The following GRID2 variants were observed in gnomAD, a reference collection of about 807,000 sequenced individuals.
The protein encoded by GRID2 is glutamate ionotropic receptor delta type subunit 2, also known as glutamate receptor ionotropic, delta-2.
Under a neutral mutation model 114.8 loss-of-function variants are expected in GRID2, and 33 were observed. The ratio of observed to expected loss-of-function variants is 0.29; its 90% CI spans 0.22 to 0.38. The LOEUF is 0.38. Ranked by LOEUF, GRID2 falls within the 10% of genes least tolerant of loss-of-function variation. The pLI, the probability that GRID2 is intolerant of heterozygous loss-of-function variation, is 1.00. For missense variants in GRID2, 1,184 were observed against 1,257.7 expected (o/e 0.94, Z 0.89); for synonymous variants, 505 against 449.9 (o/e 1.12, Z -1.55).
intron 1 of GRID2, among the ~76,000 whole-genome samples, chr4:92,584,998 T>C (rs1728360611): frequency 6.6e-6 from 1 of 152,094 alleles, no homozygotes; most frequent in African/African-American, 2.4e-5. Context: ...CTTCTTTTCA[T>C]GATCTTCTTA....
intron 14 of GRID2, among the ~76,000 whole-genome samples, chr4:93,735,137 T>C (rs1040326317): frequency 1.3e-5 from 2 of 151,960 alleles, no homozygotes; most frequent in Non-Finnish European, 2.9e-5. Flanking sequence ...CTCAGTGAGA[T>C]GCTGAATGAG....
chr4:92,958,671 A>T (rs1043438574), intron 2 of GRID2, among the ~76,000 whole-genome samples: 2 of 152,048 alleles, frequency 1.3e-5, no homozygotes, highest in African/African-American at 4.8e-5. Flanking sequence ...TATTCAGGTA[A>T]TGCTGACTTC....
At chr4:93,162,092 G>A (rs920203620) in intron 4 of GRID2, among the ~76,000 whole-genome samples, 4 of 151,660 alleles carry the variant, frequency 2.6e-5, no homozygotes, top group African/African-American at 4.8e-5. Context: ...TGATGATCAT[G>A]TTAGGACTGT....
intron 2 of GRID2, among the ~76,000 whole-genome samples, chr4:92,629,602 T>C (rs902591231): frequency 2.0e-5 from 3 of 152,022 alleles, no homozygotes; most frequent in African/African-American, 7.2e-5. Context: ...AGAAAACGTG[T>C]TAAGGGTTTG....
At chr4:92,764,687 T>G (rs1201417489) in intron 2 of GRID2, among the ~76,000 whole-genome samples, 2 of 152,224 alleles carry the variant, frequency 1.3e-5, no homozygotes, top group African/African-American at 2.4e-5. Flanking sequence ...TTTATCTCTC[T>G]TCTAAGGCTT....
chr4:93,376,601 A>G (rs915760712), intron 8 of GRID2, among the ~76,000 whole-genome samples: 2 of 152,222 alleles, frequency 1.3e-5, no homozygotes, highest in Non-Finnish European at 2.9e-5. Context: ...CTGACTGGTT[A>G]TTTGATGACA....
intron 1 of GRID2, among the ~76,000 whole-genome samples, chr4:92,571,087 CA>C (rs1422909259): frequency 6.6e-6 from 1 of 151,970 alleles, no homozygotes; most frequent in Non-Finnish European, 1.5e-5. Flanking sequence ...GTGGGTATAG[CA>C]TATATGGCTG....
chr4:93,323,328 G>C (rs190611528), intron 8 of GRID2, among the ~76,000 whole-genome samples: 42 of 151,992 alleles, frequency 2.8e-4, no homozygotes, highest in African/African-American at 9.4e-4. Context: ...TTTTATTTTT[G>C]TCAGGTTTGT....
At chr4:93,757,374 C>A (rs1300382903) in intron 14 of GRID2, among the ~76,000 whole-genome samples, 5 of 152,184 alleles carry the variant, frequency 3.3e-5, no homozygotes, top group Non-Finnish European at 7.3e-5. Flanking sequence ...TACTTTCTTC[C>A]TGCTGGACTT....
chr4:93,585,415 C>T (rs1366649629), intron 13 of GRID2, among the ~76,000 whole-genome samples: 1 of 152,092 alleles, frequency 6.6e-6, no homozygotes, highest in Non-Finnish European at 1.5e-5. Context: ...ATGGTGTTGA[C>T]TGTTGTTTCA....
chr4:92,810,441 T>A (rs1331971686), intron 2 of GRID2, among the ~76,000 whole-genome samples: 1 of 152,078 alleles, frequency 6.6e-6, no homozygotes, highest in Non-Finnish European at 1.5e-5. Flanking sequence ...GTTCGTCTAT[T>A]TAACTAAAAA....
At chr4:93,389,121 G>C (rs770469008) in intron 8 of GRID2, among the ~76,000 whole-genome samples, 5 of 152,076 alleles carry the variant, frequency 3.3e-5, no homozygotes, top group Non-Finnish European at 7.4e-5. Flanking sequence ...GTAATAGACA[G>C]AAAAATGATT....
intron 2 of GRID2, among the ~76,000 whole-genome samples, chr4:92,938,823 T>A (rs1463405954): frequency 1.4e-5 from 2 of 145,646 alleles, no homozygotes; most frequent in African/African-American, 4.9e-5. Flanking sequence ...TGTTTGGTTT[T>A]TTGTCCTTGC....
chr4:92,902,272 C>G (rs977315354), intron 2 of GRID2, among the ~76,000 whole-genome samples: 5 of 151,954 alleles, frequency 3.3e-5, no homozygotes, highest in Non-Finnish European at 7.4e-5. Flanking sequence ...TAGCATTTCT[C>G]TAGTATCAGT....
intron 4 of GRID2, among the ~76,000 whole-genome samples, chr4:93,145,903 G>A (rs1291281523): frequency 2.0e-5 from 3 of 151,154 alleles, no homozygotes; most frequent in African/African-American, 4.9e-5. Context: ...AGTCTGTAGT[G>A]ATGATCGAAT....
intron 3 of GRID2, among the ~76,000 whole-genome samples, chr4:93,097,908 A>T (rs1731363448): frequency 6.6e-6 from 1 of 151,986 alleles, no homozygotes; most frequent in Non-Finnish European, 1.5e-5. Flanking sequence ...CAATAAGTAA[A>T]TAAAATGATA....
intron 4 of GRID2, among the ~76,000 whole-genome samples, chr4:93,147,622 G>C (rs2149393397): frequency 6.6e-6 from 1 of 152,278 alleles, no homozygotes; most frequent in Admixed American, 6.5e-5. Context: ...TGAGCCATTA[G>C]CTGATTGCTC....
intron 2 of GRID2, among the ~76,000 whole-genome samples, chr4:92,611,018 C>CTGTGTGTG (rs34268472): frequency 2.0e-4 from 30 of 146,700 alleles, no homozygotes; most frequent in African/African-American, 6.5e-4. Context: ...ATTGAATAGT[C>CTGTGTGTG]TGTGTGTGTG....
chr4:92,863,152 A>G (rs571242225), intron 2 of GRID2, among the ~76,000 whole-genome samples: 1 of 152,214 alleles, frequency 6.6e-6, no homozygotes, highest in East Asian at 1.9e-4. Flanking sequence ...CTGAATTTTC[A>G]TTTATCTTTT....
Sources: allele counts gnomAD v4.1 joint callset (sites outside exome capture counted in the v4.1 genomes callset), GRCh38; gene constraint gnomAD v4.1.1; transcripts MANE v1.5; gene names NCBI Gene and HGNC (gene_info 2026-07-23, HGNC 2026-07-21).